Variants in MAPKAPK3 observed in about 807,000 individuals in gnomAD.
The protein encoded by MAPKAPK3 is MAPK activated protein kinase 3, also known as MAP kinase-activated protein kinase 3.
Under a neutral mutation model 49.2 loss-of-function variants are expected in MAPKAPK3, and 35 were observed. The ratio of observed to expected loss-of-function variants is 0.71; its 90% CI spans 0.54 to 0.94. The LOEUF (loss-of-function observed/expected upper bound fraction) is 0.94, where lower values mean the gene tolerates loss of function less well. MAPKAPK3 is among the 40% of genes least tolerant of loss of function. The pLI, the probability that MAPKAPK3 is intolerant of heterozygous loss-of-function variation, is 0.00. For synonymous variants in MAPKAPK3, 178 were observed against 188.7 expected (o/e 0.94, Z 0.46); for missense variants, 398 against 493.1 (o/e 0.81, Z 1.83).
At chr3:50,616,645 T>G (rs578033063), upstream of MAPKAPK3, among the ~76,000 whole-genome samples, 1 of 152,194 alleles carries the variant, frequency 6.6e-6, no homozygotes, top group East Asian at 1.9e-4. Flanking sequence ...TGCTGGAGAC[T>G]CCCAGAGCCA....
At chr3:50,630,037 C>A (rs186132852) in intron 2 of MAPKAPK3, among the ~76,000 whole-genome samples, 1 of 152,206 alleles carries the variant, frequency 6.6e-6, no homozygotes, top group Non-Finnish European at 1.5e-5. Context: ...TGCCACCCTG[C>A]CCCCCATCAG....
At chr3:50,625,113 C>T (rs1344134518) in intron 2 of MAPKAPK3, among the ~76,000 whole-genome samples, 1 of 152,042 alleles carries the variant, frequency 6.6e-6, no homozygotes, top group African/African-American at 2.4e-5. Flanking sequence ...TTTTGCAAAA[C>T]CATCATCTTT....
At chr3:50,636,332 A>G (rs1340021000) in intron 2 of MAPKAPK3, among the ~76,000 whole-genome samples, 1 of 152,220 alleles carries the variant, frequency 6.6e-6, no homozygotes. Flanking sequence ...AAAAGTGGTG[A>G]TAATGAAGTC....
intron 2 of MAPKAPK3, among the ~76,000 whole-genome samples, chr3:50,618,819 A>G (rs2032537676): frequency 6.6e-6 from 1 of 152,164 alleles, no homozygotes; most frequent in Non-Finnish European, 1.5e-5. Flanking sequence ...CCTCCTGAGT[A>G]GCTGGGACTA....
chr3:50,632,290 A>C (rs1048321412), intron 2 of MAPKAPK3, among the ~76,000 whole-genome samples: 3 of 152,236 alleles, frequency 2.0e-5, no homozygotes, highest in Non-Finnish European at 4.4e-5. Flanking sequence ...AGCAGAGCCT[A>C]ACTGGTTTCC....
At chr3:50,621,466 C>T (rs549998421) in intron 2 of MAPKAPK3, among the ~76,000 whole-genome samples, 6 of 152,030 alleles carry the variant, frequency 3.9e-5, no homozygotes, top group African/African-American at 1.2e-4. Flanking sequence ...GACACAGTGG[C>T]GGGCGCCTGT....
chr3:50,618,614 C>G (rs1306354010), intron 2 of MAPKAPK3, among the ~76,000 whole-genome samples: 1 of 152,138 alleles, frequency 6.6e-6, no homozygotes, highest in East Asian at 1.9e-4. Context: ...GTAGCTTGTG[C>G]CAATGGATGG....
At chr3:50,644,268 G>A in intron 5 of MAPKAPK3, 141 bp from the exon 6 acceptor site, 1 of 954,238 alleles carries the variant, frequency 1.0e-6, no homozygotes, top group Admixed American at 2.4e-5. Context: ...ATGTTAGTGG[G>A]CAAGGCCCGG....
At chr3:50,645,859 T>TC in intron 7 of MAPKAPK3, 74 bp downstream of exon 7, 3 of 1,314,704 alleles carry the variant, frequency 2.3e-6, no homozygotes, top group East Asian at 4.6e-5. Context: ...ACCACTTCTG[T>TC]CCCCCCACCC....
At chr3:50,626,648 A>AG (rs1456909410) in intron 2 of MAPKAPK3, among the ~76,000 whole-genome samples, 1 of 152,190 alleles carries the variant, frequency 6.6e-6, no homozygotes, top group African/African-American at 2.4e-5. Context: ...CACAGGGGGC[A>AG]GGGGGATGGC....
At chr3:50,613,461 G>T (rs809451), upstream of MAPKAPK3, among the ~76,000 whole-genome samples, 2 of 152,210 alleles carry the variant, frequency 1.3e-5, no homozygotes, top group Middle Eastern at 3.4e-3. Flanking sequence ...ATGGGGGTAG[G>T]GGGGATGGAT....
chr3:50,632,505 G>C (rs1397358747), intron 2 of MAPKAPK3, among the ~76,000 whole-genome samples: 1 of 152,210 alleles, frequency 6.6e-6, no homozygotes, highest in East Asian at 1.9e-4. Flanking sequence ...CAGAAATAAT[G>C]GTGCTTGGAG....
At chr3:50,627,524 G>A (rs1031840531) in intron 2 of MAPKAPK3, among the ~76,000 whole-genome samples, 1 of 152,180 alleles carries the variant, frequency 6.6e-6, no homozygotes, top group African/African-American at 2.4e-5. Flanking sequence ...GACCCCTTCC[G>A]CTGTACTTCA....
chr3:50,631,923 C>T (rs2107586144), intron 2 of MAPKAPK3, among the ~76,000 whole-genome samples: 1 of 152,308 alleles, frequency 6.6e-6, no homozygotes, highest in Non-Finnish European at 1.5e-5. Context: ...TGGGATGAGA[C>T]CCTTAGGTGG....
chr3:50,642,089 T>A (rs1576013148), intron 4 of MAPKAPK3, among the ~76,000 whole-genome samples, 164 bp from the exon 5 acceptor site: 1 of 152,126 alleles, frequency 6.6e-6, no homozygotes. Context: ...CTGGGGTGTC[T>A]GGGGTGGCGT....
At chr3:50,640,312 A>C (rs1209808822) in intron 2 of MAPKAPK3, 54 bp from the exon 3 acceptor site, 4 of 1,568,848 alleles carry the variant, frequency 2.5e-6, no homozygotes, top group Non-Finnish European at 3.5e-6. Context: ...TTTGTCTGCA[A>C]AATGATGGTA....
chr3:50,643,468 A>G (rs894196588), intron 5 of MAPKAPK3, among the ~76,000 whole-genome samples: 40 of 152,282 alleles, frequency 2.6e-4, no homozygotes, highest in African/African-American at 8.2e-4. Flanking sequence ...CTCTGCCCCA[A>G]GCCTAGAACG....
intron 2 of MAPKAPK3, among the ~76,000 whole-genome samples, chr3:50,620,571 C>T (rs2032586030): frequency 6.6e-6 from 1 of 152,192 alleles, no homozygotes; most frequent in South Asian, 2.1e-4. Context: ...GAGCTGTGGC[C>T]ACTGTCCTTG....
intron 2 of MAPKAPK3, among the ~76,000 whole-genome samples, chr3:50,624,767 C>T (rs1409805246): frequency 1.3e-5 from 2 of 152,134 alleles, no homozygotes; most frequent in Non-Finnish European, 1.5e-5. Flanking sequence ...CTCCAGGCTG[C>T]CATGTCTAAT....
Sources: allele counts gnomAD v4.1 joint callset (sites outside exome capture counted in the v4.1 genomes callset), GRCh38; gene constraint gnomAD v4.1.1; transcripts MANE v1.5; gene names NCBI Gene and HGNC (gene_info 2026-07-23, HGNC 2026-07-21).